The following NRG1 variants were observed in gnomAD, a reference collection of about 807,000 sequenced individuals.
The protein encoded by NRG1 is neuregulin 1, also known as pro-neuregulin-1, membrane-bound isoform.
In NRG1, 18 loss-of-function variants were observed where a neutral mutation model predicts 63.8. That is an observed-to-expected ratio of 0.28 (90% CI 0.19 to 0.42). NRG1 has a LOEUF of 0.42. NRG1 is among the 10% of genes least tolerant of loss of function. The pLI is 1.00. For synonymous variants in NRG1, 302 were observed against 301.3 expected, an observed-to-expected ratio of 1.00 and a Z score of -0.02; for missense variants, 762 against 814.7, an observed-to-expected ratio of 0.94 and a Z score of 0.79.
intron 1 of NRG1, among the ~76,000 whole-genome samples, chr8:32,251,047 G>T (rs73578687): frequency 0.021 from 3,162 of 151,822 alleles, 123 homozygotes; most frequent in African/African-American, 0.073. Context: ...TATAAAAATT[G>T]CCATATTTAT....
chr8:32,023,613 A>G (rs1816788699), intron 1 of NRG1, among the ~76,000 whole-genome samples: 1 of 152,148 alleles, frequency 6.6e-6, no homozygotes, highest in African/African-American at 2.4e-5. Context: ...CAGTCCTTCC[A>G]GATTGTGAGG....
At chr8:31,864,408 G>C (rs949835413) in intron 1 of NRG1, among the ~76,000 whole-genome samples, 3 of 152,272 alleles carry the variant, frequency 2.0e-5, no homozygotes, top group Non-Finnish European at 4.4e-5. Flanking sequence ...GTGAAGATTT[G>C]GCTTAATGGC....
intron 1 of NRG1, among the ~76,000 whole-genome samples, chr8:31,858,172 G>A (rs968533875): frequency 7.2e-5 from 11 of 152,032 alleles, no homozygotes; most frequent in South Asian, 2.1e-4. Flanking sequence ...GGTGGCAGGC[G>A]CCTGTAGTCC....
At chr8:31,785,590 C>CT (rs1820093940) in intron 1 of NRG1, among the ~76,000 whole-genome samples, 1 of 152,152 alleles carries the variant, frequency 6.6e-6, no homozygotes, top group Non-Finnish European at 1.5e-5. Context: ...TTATGCATTA[C>CT]ATTTGAGGTG....
exon 11 of NRG1, chr8:32,760,303 A>G: frequency 6.2e-7 from 1 of 1,614,108 alleles, no homozygotes; most frequent in African/African-American, 1.3e-5. Context: ...TGGGGGCCCA[A>G]GAGGACGTCT....
chr8:32,391,940 G>C (rs748784524), intron 1 of NRG1, among the ~76,000 whole-genome samples: 4 of 152,168 alleles, frequency 2.6e-5, no homozygotes, highest in Non-Finnish European at 4.4e-5. Flanking sequence ...AGAATTTGTG[G>C]ATGTTGAGAC....
exon 11 of NRG1, chr8:32,760,263 C>T (rs754150777): frequency 1.5e-5 from 25 of 1,613,924 alleles, no homozygotes; most frequent in African/African-American, 2.7e-5. Flanking sequence ...TGATGTCATC[C>T]GTAGAAAACA....
intron 5 of NRG1, among the ~76,000 whole-genome samples, chr8:32,629,257 C>T (rs1307200056): frequency 2.6e-5 from 4 of 152,096 alleles, no homozygotes; most frequent in African/African-American, 9.7e-5. Context: ...TTCTAGTCCC[C>T]AGCAGTTCAC....
chr8:32,497,446 CAAAAA>C (rs34243536), intron 1 of NRG1, among the ~76,000 whole-genome samples: 5 of 119,536 alleles, frequency 4.2e-5, no homozygotes, highest in African/African-American at 6.2e-5. Flanking sequence ...GATTTTGTAT[CAAAAA>C]AAAAAAAAAA....
chr8:32,665,553 T>A (rs558968257), intron 5 of NRG1, among the ~76,000 whole-genome samples: 1 of 152,270 alleles, frequency 6.6e-6, no homozygotes, highest in East Asian at 1.9e-4. Context: ...CTTTCATCCA[T>A]GTAATTTTGG....
intron 1 of NRG1, among the ~76,000 whole-genome samples, chr8:32,150,433 T>A (rs1837377905): frequency 6.6e-6 from 1 of 152,096 alleles, no homozygotes; most frequent in Non-Finnish European, 1.5e-5. Context: ...TCATGAGGGG[T>A]TCTCCATATG....
intron 5 of NRG1, among the ~76,000 whole-genome samples, chr8:32,726,693 G>T (rs1589441747): frequency 6.6e-6 from 1 of 152,086 alleles, no homozygotes; most frequent in Non-Finnish European, 1.5e-5. Context: ...TAGGTTATGT[G>T]TCACAACAAA....
At chr8:31,706,589 A>G (rs1178397164) in intron 1 of NRG1, among the ~76,000 whole-genome samples, 1 of 152,196 alleles carries the variant, frequency 6.6e-6, no homozygotes, top group Non-Finnish European at 1.5e-5. Context: ...GTTAGAGTAC[A>G]AGTTTATGAA....
At chr8:32,404,543 C>T (rs190265264) in intron 1 of NRG1, among the ~76,000 whole-genome samples, 112 of 149,136 alleles carry the variant, frequency 7.5e-4, no homozygotes, top group African/African-American at 2.4e-3. Flanking sequence ...CATGCTTCCT[C>T]TTTTGTAGTG....
chr8:31,786,318 C>A (rs1362464862), intron 1 of NRG1, among the ~76,000 whole-genome samples: 1 of 152,174 alleles, frequency 6.6e-6, no homozygotes, highest in African/African-American at 2.4e-5. Flanking sequence ...ACCAAAGTGT[C>A]TTTTCTATTC....
At chr8:32,420,195 A>T (rs1563439954) in intron 1 of NRG1, among the ~76,000 whole-genome samples, 1 of 152,266 alleles carries the variant, frequency 6.6e-6, no homozygotes, top group Non-Finnish European at 1.5e-5. Flanking sequence ...AAGTGCGTAC[A>T]GCTCCCGGTG....
intron 1 of NRG1, among the ~76,000 whole-genome samples, chr8:31,912,907 T>C (rs1833067491): frequency 6.6e-6 from 1 of 152,172 alleles, no homozygotes; most frequent in Non-Finnish European, 1.5e-5. Flanking sequence ...GGGTTATGCC[T>C]CCATATACAA....
Position 32,742,014 on chromosome 8 carries a change from A to G in NRG1, c.633-661A>G. The stretch of plus-strand genomic sequence containing the variant: ...CCACATTTTTGCCCTCTAGGTGCCA[A>G]CCTGGATTCACTGGAGCAAGATGTA... On this transcript the variant is annotated intron_variant, in intron 6 of 11. Coordinates refer to ENST00000356819, the Ensembl canonical transcript of NRG1. The surrounding 1 kb of genome is among the most constrained non-coding windows in gnomAD (Gnocchi z 4.2). The G allele has an allele frequency of 6.2e-7, 1 of 1,613,612 alleles. No individual in the cohort carries two copies. The highest frequency in any genetic ancestry group is 8.5e-7 in the Non-Finnish European group (1 of 1,179,690).
At chr8:32,077,109 G>GTAA (rs1826688253) in intron 1 of NRG1, among the ~76,000 whole-genome samples, 1 of 152,288 alleles carries the variant, frequency 6.6e-6, no homozygotes, top group South Asian at 2.1e-4. Flanking sequence ...GCTCACGCCT[G>GTAA]TAATCCCAGC....
Sources: gnomAD v4.1 joint callset for allele counts (sites outside exome capture counted in the v4.1 genomes callset) on GRCh38, gnomAD v4.1.1 for gene constraint, Gnocchi (gnomAD v3.1) non-coding constraint, MANE v1.5 for transcripts, NCBI Gene and HGNC (gene_info 2026-07-23, HGNC 2026-07-21) for gene names.